Variants in PIK3C2A observed in about 807,000 individuals in gnomAD.
The protein encoded by PIK3C2A is phosphatidylinositol-4-phosphate 3-kinase catalytic subunit type 2 alpha, also known as phosphatidylinositol 4-phosphate 3-kinase C2 domain-containing subunit alpha.
In PIK3C2A, 97 loss-of-function variants were observed where a neutral mutation model predicts 204.5. The ratio of observed to expected loss-of-function variants is 0.47; its 90% confidence interval spans 0.40 to 0.56. The LOEUF is 0.56. PIK3C2A is among the 20% of genes least tolerant of loss of function. The pLI is 0.00. For missense variants in PIK3C2A, 1,735 were observed against 1,969.2 expected (o/e 0.88, Z 2.25); for synonymous variants, 653 against 664.4 (o/e 0.98, Z 0.26).
At chr11:17,140,726 G>T (rs569244036) in intron 8 of PIK3C2A, among the ~76,000 whole-genome samples, 1 of 152,282 alleles carries the variant, frequency 6.6e-6, no homozygotes, top group African/African-American at 2.4e-5. Flanking sequence ...AAACTGGATT[G>T]TGGTGATAAT....
chr11:17,173,477 A>G (rs566332659), intron 1 of PIK3C2A, among the ~76,000 whole-genome samples: 2 of 152,362 alleles, frequency 1.3e-5, no homozygotes, highest in African/African-American at 4.8e-5. Context: ...CCAATCCAGA[A>G]GAAAGCAGAG....
In PIK3C2A at chr11:17,148,854, AATTTAAGAC is replaced by A. The variant is rs1287669795; in HGVS notation, c.1328-76_1328-68del. The A allele has an allele frequency of 3.1e-6, 4 of 1,291,288 alleles. No homozygotes were observed. The African/African-American group carries it at 5.8e-5, about 19-fold the overall frequency. The allele number at this position is 1,291,288 out of a possible 1,614,324, so 80.0% of individuals were successfully genotyped here. A position where few individuals can be genotyped will look rare whatever the true frequency, so the allele number is the denominator to read the frequency against. On this transcript the variant is annotated intron_variant, in intron 4 of 32. Coordinates refer to ENST00000691414, the MANE Select transcript of PIK3C2A (RefSeq NM_002645.4). ...ATTTATTCAAGACTGTATTACTTAT[AATTTAAGAC>A]AGCAGTATACAATAGAAATATAATG...
intron 1 of PIK3C2A, among the ~76,000 whole-genome samples, chr11:17,181,622 A>G (rs1851559198): frequency 6.7e-4 from 1 of 1,498 alleles, no homozygotes; most frequent in African/African-American, 9.6e-4. Context: ...ATATATATAT[A>G]TATATATATA....
chr11:17,148,439 A>T (rs991407410), intron 5 of PIK3C2A: 1 of 450,852 alleles, frequency 2.2e-6, no homozygotes, highest in African/African-American at 2.0e-5. Flanking sequence ...TAAAGACTAC[A>T]AGCTCCTTAA....
Position 17,118,687 on chromosome 11 carries a change from G to A in PIK3C2A, c.2993C>T (p.Ser998Phe). The change falls in exon 18 of 33, where the codon TCC (serine) becomes TTC (phenylalanine). Residue 998 changes from serine (S) to phenylalanine (F), a missense_variant. Physicochemically the swap from Ser to Phe is radical, Grantham distance 155. Coordinates refer to ENST00000691414, the MANE Select transcript of PIK3C2A (RefSeq NM_002645.4). ...LNSSLVQFLL[S>F]RALGNIQIAH... ...TATCTGGATATTTCCCAATGCCCTGGACAAAAGGAATTGCACTAATGAACT... is the reference window on the plus strand; with the variant it reads ...TATCTGGATATTTCCCAATGCCCTGAACAAAAGGAATTGCACTAATGAACT... The A allele has an allele frequency of 6.4e-7, 1 of 1,567,544 alleles. No homozygotes were observed. The highest frequency in any genetic ancestry group is 8.8e-7 in the Non-Finnish European group (1 of 1,139,994).
chr11:17,097,714 G>C (rs1848492560), intron 26 of PIK3C2A, among the ~76,000 whole-genome samples: 1 of 152,182 alleles, frequency 6.6e-6, no homozygotes, highest in Non-Finnish European at 1.5e-5. Flanking sequence ...AGGAGTTCGA[G>C]ACCAGCCTGG....
chr11:17,088,959 T>C lies in PIK3C2A; in HGVS notation c.*779A>G, dbSNP rs774475604. On this transcript the variant is annotated 3_prime_UTR_variant, in exon 33 of 33. Transcript: ENST00000691414. ...CTTAACTATTTAGATAACTAATTCA[T>C]ACATCAGAAGTAAAGGATTTTTTTG... The C allele has an allele frequency of 5.9e-5, 9 of 152,246 alleles. No individual in the cohort carries two copies. The highest frequency in any genetic ancestry group is 1.2e-4 in the Non-Finnish European group (8 of 68,040). 9.4% of individuals were successfully genotyped at this position (152,246 alleles called of 1,614,324 possible). A position where few individuals can be genotyped will look rare whatever the true frequency, so the allele number is the denominator to read the frequency against.
intron 19 of PIK3C2A, 90 bp from the exon 20 acceptor site, chr11:17,114,555 T>C (rs1437025931): frequency 3.1e-6 from 2 of 642,192 alleles, no homozygotes; most frequent in Non-Finnish European, 5.6e-6. Flanking sequence ...ATTTATAAAA[T>C]GCCCAGTTGT....
At position 17,129,369 on chromosome 11, in the gene PIK3C2A, T is replaced by C; in HGVS notation, c.2330A>G (p.Asp777Gly). 1 of 1,613,070 alleles carries C rather than the reference T, an allele frequency of 6.2e-7. No homozygotes were observed. Among genetic ancestry groups the C allele is most frequent in the Non-Finnish European group, 8.5e-7 (1 of 1,179,066 alleles). ...ILNQSSGSSP[D>G]SNKQRKGPEA... ...TGGTCCCTTTCTCTGCTTATTAGAA[T>C]CAGGGGAACTTCCACTGCTCTGATT... is the stretch of plus-strand genomic sequence containing the variant. Residue 777 changes from aspartate (D) to glycine (G), a missense_variant, in exon 13 of 33, where the codon GAT becomes GGT. Physicochemically the swap from Asp to Gly is moderately conservative, Grantham distance 94. Transcript: ENST00000691414.
chr11:17,132,004 G>A lies in PIK3C2A; in HGVS notation c.2143C>T (p.His715Tyr). 1 of 1,560,270 alleles carries A rather than the reference G, an allele frequency of 6.4e-7. No homozygotes were observed. The highest frequency in any genetic ancestry group is 1.7e-4 in the Middle Eastern group (1 of 5,884). ...GGTTTAAAAAGATCCTTTCCATTGT[G>A]AGACAGTGAACATATCAAGTAGTAT... The part of the protein sequence containing the change: ...EKYYLICSLS[H>Y]NGKDLFKPIQ... Residue 715 changes from histidine (H) to tyrosine (Y), a missense_variant, in exon 12 of 33, where the codon CAC becomes TAC. His to Tyr is a moderately conservative substitution (Grantham distance 83). Transcript: ENST00000691414.
chr11:17,136,547 C>T lies in PIK3C2A; in HGVS notation c.1783G>A (p.Ala595Thr). The T allele has an allele frequency of 6.2e-7, 1 of 1,602,858 alleles. No homozygotes were observed. The highest frequency in any genetic ancestry group is 8.5e-7 in the Non-Finnish European group (1 of 1,169,954). Residue 595 changes from alanine to threonine, a missense_variant, in exon 9 of 33, where the codon GCC becomes ACC. Coordinates refer to ENST00000691414, the MANE Select transcript of PIK3C2A (RefSeq NM_002645.4). ...CSALDGVETL[A>T]ITESVKKLKR... The stretch of plus-strand genomic sequence containing the variant: ...AGCTTCTTTACTGATTCTGTAATGG[C>T]AAGAGTCTCGACACCATCTAAAGCA...
rs141467436 is a variant in PIK3C2A, at chr11:17,091,756, G to A, written c.4643-100C>T. 3.9e-4 allele frequency: 305 copies of A among 783,252 alleles called. No individual in the cohort carries two copies. The African/African-American group carries it at 4.5e-3, about 12-fold the overall frequency. 48.5% of individuals were successfully genotyped at this position (783,252 alleles called of 1,614,324 possible). A position where few individuals can be genotyped will look rare whatever the true frequency, so the allele number is the denominator to read the frequency against. On this transcript the variant is annotated intron_variant, in intron 30 of 32. Coordinates refer to ENST00000691414, the MANE Select transcript of PIK3C2A (RefSeq NM_002645.4). ...TTTTCAAGACTGTCACATGTGGTGCGGACAGAAGGGAGGGGAAAAAGGAGT... is the reference window on the plus strand; with the variant it reads ...TTTTCAAGACTGTCACATGTGGTGCAGACAGAAGGGAGGGGAAAAAGGAGT...
intron 1 of PIK3C2A, among the ~76,000 whole-genome samples, chr11:17,185,466 A>G (rs747095949): frequency 2.0e-5 from 3 of 152,174 alleles, no homozygotes; most frequent in Admixed American, 6.6e-5. Flanking sequence ...GACTGTACAC[A>G]TAGGGTTTGG....
intron 1 of PIK3C2A, among the ~76,000 whole-genome samples, chr11:17,195,580 G>C (rs1251831197): frequency 6.6e-6 from 1 of 151,738 alleles, no homozygotes; most frequent in Non-Finnish European, 1.5e-5. Flanking sequence ...AATTGACCAG[G>C]CATGGTGGAG....
chr11:17,141,611 T>G (rs1321702739), intron 8 of PIK3C2A, among the ~76,000 whole-genome samples: 1 of 152,214 alleles, frequency 6.6e-6, no homozygotes, highest in African/African-American at 2.4e-5. Context: ...TGCTATTAAG[T>G]AAATTTCAAA....
At chr11:17,148,822 C>G (rs1200382423) in intron 4 of PIK3C2A, 35 bp from the exon 5 acceptor site, 12 of 1,565,836 alleles carry the variant, frequency 7.7e-6, no homozygotes, top group Non-Finnish European at 1.1e-5. Flanking sequence ...TCACTTTGCT[C>G]ATTTATATTT....
At chr11:17,192,018 G>A (rs1359410968) in intron 1 of PIK3C2A, among the ~76,000 whole-genome samples, 1 of 151,790 alleles carries the variant, frequency 6.6e-6, no homozygotes, top group Non-Finnish European at 1.5e-5. Flanking sequence ...GGTGGTGCAT[G>A]ATTGTAGTCC....
At position 17,117,507 on chromosome 11, in the gene PIK3C2A, C is replaced by G; in HGVS notation, c.3200G>C (p.Ser1067Thr). The change falls in exon 19 of 33, where the codon AGT becomes ACT. Residue 1067 changes from serine to threonine, a missense_variant. Transcript: ENST00000691414. ...GGVAEKVRQA[S>T]GSARQVVLQR... ...GGTACATACCTGTCTGGCTGATCCACTAGCCTGCCTTACTTTTTCTGCTAC... is the reference window on the plus strand; with the variant it reads ...GGTACATACCTGTCTGGCTGATCCAGTAGCCTGCCTTACTTTTTCTGCTAC... The G allele has an allele frequency of 6.2e-7, 1 of 1,612,848 alleles. No homozygotes were observed. Among genetic ancestry groups the G allele is most frequent in the African/African-American group, 1.3e-5 (1 of 74,964 alleles).
chr11:17,148,911 T>A (rs1202161474), intron 4 of PIK3C2A, 124 bp from the exon 5 acceptor site: 3 of 629,050 alleles, frequency 4.8e-6, no homozygotes, highest in African/African-American at 3.7e-5. Flanking sequence ...GTAGGCCACA[T>A]ATATAATTTT....
Sources: gnomAD v4.1 joint callset for allele counts (sites outside exome capture counted in the v4.1 genomes callset) on GRCh38, gnomAD v4.1.1 for gene constraint, MANE v1.5 for transcripts, NCBI Gene and HGNC (gene_info 2026-07-23, HGNC 2026-07-21) for gene names.